CCSER1: variants seen among roughly 807,000 people sequenced by gnomAD.
CCSER1 encodes serine-rich coiled-coil domain-containing protein 1.
In CCSER1, 41 loss-of-function variants were observed where a neutral mutation model predicts 82.0. The observed-to-expected ratio is 0.50, with a 90% CI of 0.39 to 0.65. The LOEUF (loss-of-function observed/expected upper bound fraction) is 0.65. Among genes scored for constraint, CCSER1 ranks in the 30% least tolerant of loss-of-function variants. The pLI, the probability that CCSER1 is intolerant of heterozygous loss-of-function variation, is 0.00. For synonymous variants in CCSER1, 414 were observed against 383.9 expected, an observed-to-expected ratio of 1.08 and a Z score of -0.92; for missense variants, 1,119 against 1,064.2, an observed-to-expected ratio of 1.05 and a Z score of -0.72.
intron 10 of CCSER1, among the ~76,000 whole-genome samples, chr4:91,355,564 A>G (rs779649233): frequency 1.3e-5 from 2 of 152,168 alleles, no homozygotes; most frequent in Non-Finnish European, 1.5e-5. Context: ...GTCCTACCTC[A>G]GTGACTTGAT....
intron 1 of CCSER1, among the ~76,000 whole-genome samples, chr4:90,213,207 G>A (rs1024055866): frequency 6.6e-6 from 1 of 152,108 alleles, no homozygotes; most frequent in Non-Finnish European, 1.5e-5. Context: ...AGAGTCATAA[G>A]GAATTGCTAG....
intron 9 of CCSER1, among the ~76,000 whole-genome samples, chr4:90,986,728 T>C (rs1301836274): frequency 6.6e-6 from 1 of 151,770 alleles, no homozygotes; most frequent in East Asian, 1.9e-4. Context: ...AGCAACTTTT[T>C]GACATGAGAA....
At chr4:90,573,585 A>G (rs960548037) in intron 5 of CCSER1, among the ~76,000 whole-genome samples, 5 of 152,234 alleles carry the variant, frequency 3.3e-5, no homozygotes, top group Admixed American at 1.3e-4. Context: ...CTACAACCAC[A>G]TACTTTGATC....
intron 10 of CCSER1, among the ~76,000 whole-genome samples, chr4:91,377,760 C>G (rs1192740554): frequency 6.6e-6 from 1 of 152,030 alleles, no homozygotes; most frequent in Admixed American, 6.5e-5. Flanking sequence ...TTAATTAGAT[C>G]CCATCTGCCT....
At chr4:91,002,824 T>G (rs1045375386) in intron 9 of CCSER1, among the ~76,000 whole-genome samples, 2 of 152,178 alleles carry the variant, frequency 1.3e-5, no homozygotes, top group East Asian at 1.9e-4. Context: ...TAAAGAACCA[T>G]GTTTTGTCAT....
At chr4:90,181,659 T>C (rs1460207394) in intron 1 of CCSER1, among the ~76,000 whole-genome samples, 1 of 152,204 alleles carries the variant, frequency 6.6e-6, no homozygotes, top group East Asian at 1.9e-4. Flanking sequence ...TTTTCCCTGA[T>C]TGAAACTTCA....
chr4:90,886,681 G>A (rs972078847), intron 8 of CCSER1, among the ~76,000 whole-genome samples: 5 of 152,028 alleles, frequency 3.3e-5, no homozygotes, highest in South Asian at 2.1e-4. Context: ...GATTATCCTC[G>A]TTTTACTGAT....
At chr4:90,813,821 A>G (rs1218227082) in intron 7 of CCSER1, among the ~76,000 whole-genome samples, 1 of 152,136 alleles carries the variant, frequency 6.6e-6, no homozygotes. Context: ...TTCCAGGCAC[A>G]TGGTGCAAGC....
intron 9 of CCSER1, among the ~76,000 whole-genome samples, chr4:91,074,859 G>A (rs12513240): frequency 0.49 from 75,194 of 151,936 alleles, 19,073 homozygotes; most frequent in South Asian, 0.66. Context: ...AAGAAAAACT[G>A]TCACAACGAA....
intron 10 of CCSER1, among the ~76,000 whole-genome samples, chr4:91,154,664 C>T (rs918145876): frequency 6.6e-6 from 1 of 151,916 alleles, no homozygotes; most frequent in Non-Finnish European, 1.5e-5. Flanking sequence ...CATCTTGGAA[C>T]CTTTTTCCCA....
chr4:90,373,216 C>T (rs1476573028), intron 3 of CCSER1, among the ~76,000 whole-genome samples: 5 of 151,922 alleles, frequency 3.3e-5, no homozygotes, highest in South Asian at 2.1e-4. Flanking sequence ...AGTGACGAGA[C>T]ATATAAAGTG....
intron 10 of CCSER1, among the ~76,000 whole-genome samples, chr4:91,156,439 G>A (rs1730826630): frequency 6.6e-6 from 1 of 151,338 alleles, no homozygotes; most frequent in Non-Finnish European, 1.5e-5. Context: ...TTTTTATGTT[G>A]TCATAAATGT....
intron 5 of CCSER1, among the ~76,000 whole-genome samples, chr4:90,581,014 T>G (rs1193927670): frequency 2.0e-5 from 3 of 152,116 alleles, no homozygotes; most frequent in Non-Finnish European, 4.4e-5. Flanking sequence ...TCCAAAATAT[T>G]TTAGTTATTT....
At chr4:90,655,538 T>C (rs537585215) in intron 6 of CCSER1, among the ~76,000 whole-genome samples, 2 of 152,166 alleles carry the variant, frequency 1.3e-5, no homozygotes, top group South Asian at 2.1e-4. Context: ...GCTCTCTTAC[T>C]CACTGGCTCT....
intron 10 of CCSER1, among the ~76,000 whole-genome samples, chr4:91,446,670 TAA>T (rs1491320844): frequency 3.6e-4 from 37 of 103,770 alleles, no homozygotes; most frequent in Admixed American, 6.5e-4. Context: ...ATATTTTAAA[TAA>T]ATAAATATAT....
At chr4:91,457,749 T>C (rs1270983240) in intron 10 of CCSER1, among the ~76,000 whole-genome samples, 1 of 152,130 alleles carries the variant, frequency 6.6e-6, no homozygotes, top group Non-Finnish European at 1.5e-5. Context: ...TTTAAAATAA[T>C]CATTGATTAC....
At chr4:90,549,887 GA>G (rs2153639997) in intron 5 of CCSER1, among the ~76,000 whole-genome samples, 1 of 151,796 alleles carries the variant, frequency 6.6e-6, no homozygotes. Context: ...ATAATGTAAG[GA>G]AAATTTAAAC....
At chr4:90,930,465 C>T (rs901973046) in intron 9 of CCSER1, among the ~76,000 whole-genome samples, 5 of 151,632 alleles carry the variant, frequency 3.3e-5, no homozygotes, top group Non-Finnish European at 7.4e-5. Context: ...ATTAGCCAGG[C>T]GTAGGTGGTG....
intron 10 of CCSER1, among the ~76,000 whole-genome samples, chr4:91,201,344 AAATG>A: frequency 6.6e-6 from 1 of 152,100 alleles, no homozygotes; most frequent in Non-Finnish European, 1.5e-5. Flanking sequence ...TTCCATGAAT[AAATG>A]AATGAAAGAA....
Sources: allele counts gnomAD v4.1 joint callset (sites outside exome capture counted in the v4.1 genomes callset), GRCh38; gene constraint gnomAD v4.1.1; transcripts MANE v1.5; gene names NCBI Gene and HGNC (gene_info 2026-07-23, HGNC 2026-07-21).